Variants in TBC1D9 observed in about 807,000 individuals in gnomAD.
TBC1D9 encodes the protein TBC1 domain family member 9, also known as TBC1 domain family member 9A.
In TBC1D9, 63 loss-of-function variants were observed where a neutral mutation model predicts 132.0. That is an observed-to-expected ratio of 0.48 (90% CI 0.39 to 0.59). The LOEUF (loss-of-function observed/expected upper bound fraction) is 0.59. Among genes scored for constraint, TBC1D9 ranks in the 20% least tolerant of loss-of-function variants. The pLI, the probability that TBC1D9 is intolerant of heterozygous loss-of-function variation, is 0.00. For missense variants in TBC1D9, 1,261 were observed against 1,592.7 expected, an observed-to-expected ratio of 0.79 and a Z score of 3.54; for synonymous variants, 610 against 609.9, an observed-to-expected ratio of 1.00 and a Z score of 0.00.
chr4:140,688,678 A>G (rs1737827029), intron 2 of TBC1D9, among the ~76,000 whole-genome samples: 1 of 151,920 alleles, frequency 6.6e-6, no homozygotes, highest in South Asian at 2.1e-4. Context: ...AGAGAGAGAG[A>G]CTCCAACACA....
intron 1 of TBC1D9, among the ~76,000 whole-genome samples, chr4:140,737,465 T>TCTCTCA (rs1738692455): frequency 1.5e-5 from 2 of 131,386 alleles, no homozygotes; most frequent in African/African-American, 5.6e-5. Flanking sequence ...TCTCTCTCTC[T>TCTCTCA]CACACACACA....
At position 140,679,610 on chromosome 4, in the gene TBC1D9, C is replaced by T. The variant is rs769532085; in HGVS notation, c.589+5G>A. The T allele has an allele frequency of 1.9e-6, 3 of 1,608,852 alleles. No homozygotes were observed. The African/African-American group carries it at 4.0e-5, about 22-fold the overall frequency. On this transcript the variant is annotated splice_donor_5th_base_variant and intron_variant, in intron 4 of 20. Transcript: ENST00000442267. ...AGTTTCCTGCTGAAATTTTAGATGACTTACCTTCCCTTCCCATAAGAAAAG... is the reference window on the plus strand; with the variant it reads ...AGTTTCCTGCTGAAATTTTAGATGATTTACCTTCCCTTCCCATAAGAAAAG...
chr4:140,695,652 C>T (rs1737943825), intron 2 of TBC1D9, among the ~76,000 whole-genome samples: 1 of 152,172 alleles, frequency 6.6e-6, no homozygotes, highest in Non-Finnish European at 1.5e-5. Flanking sequence ...GATCATATAA[C>T]CAACCCTTCT....
intron 1 of TBC1D9, among the ~76,000 whole-genome samples, chr4:140,726,712 A>T (rs1738507856): frequency 6.6e-6 from 1 of 152,218 alleles, no homozygotes; most frequent in Non-Finnish European, 1.5e-5. Context: ...TTGTTTTGTT[A>T]AAACTAAATC....
chr4:140,646,443 T>G (rs1737104414), intron 13 of TBC1D9, among the ~76,000 whole-genome samples: 1 of 152,174 alleles, frequency 6.6e-6, no homozygotes, highest in African/African-American at 2.4e-5. Context: ...CCAGTTAAAT[T>G]TGAATTTCAG....
rs781284231 is a variant in TBC1D9, at chr4:140,756,068, C to A, written c.-23G>T. On this transcript the variant is annotated 5_prime_UTR_variant, in exon 1 of 21. Coordinates refer to ENST00000442267, the MANE Select transcript of TBC1D9 (RefSeq NM_015130.3). This position sits in a 1 kb window ranked among gnomAD's most constrained non-coding sequence, Gnocchi z 5.6. ...CATGGTCCTGGCTGCCGCGGGCGGG[C>A]GCACAATGGGCCCGTGGGTCCAGTC... is the stretch of plus-strand genomic sequence containing the variant. 27 of 1,599,240 alleles carry A rather than the reference C, an allele frequency of 1.7e-5. No individual in the cohort carries two copies. Among genetic ancestry groups the A allele is most frequent in the Non-Finnish European group, 2.2e-5 (26 of 1,173,228 alleles).
chr4:140,671,451 A>G (rs1233263090), intron 6 of TBC1D9, among the ~76,000 whole-genome samples: 3 of 152,212 alleles, frequency 2.0e-5, no homozygotes, highest in African/African-American at 7.2e-5. Context: ...TCGCTGCTTC[A>G]TCAGCCATAA....
intron 15 of TBC1D9, among the ~76,000 whole-genome samples, chr4:140,636,127 C>T (rs2110973173): frequency 6.6e-6 from 1 of 152,196 alleles, no homozygotes; most frequent in African/African-American, 2.4e-5. Context: ...TTCAGATCAT[C>T]TCCCTTGTTC....
intron 13 of TBC1D9, chr4:140,644,664 C>T (rs1427833291): frequency 1.2e-5 from 5 of 419,104 alleles, no homozygotes; most frequent in Non-Finnish European, 1.9e-5. Context: ...GGGCCTGGGC[C>T]GCCCGCTGCT....
At chr4:140,652,493 C>T (rs915348878) in intron 13 of TBC1D9, among the ~76,000 whole-genome samples, 1 of 152,182 alleles carries the variant, frequency 6.6e-6, no homozygotes, top group Admixed American at 6.5e-5. Flanking sequence ...TACTAACCAG[C>T]TCCACTGGAC....
At chr4:140,734,366 G>T (rs1048676734) in intron 1 of TBC1D9, among the ~76,000 whole-genome samples, 1 of 152,168 alleles carries the variant, frequency 6.6e-6, no homozygotes, top group Non-Finnish European at 1.5e-5. Flanking sequence ...CTGGGCTCAA[G>T]CTATTCACCC....
chr4:140,631,635 C>T (rs1045036837), intron 16 of TBC1D9, among the ~76,000 whole-genome samples: 1 of 142,072 alleles, frequency 7.0e-6, no homozygotes, highest in Admixed American at 7.1e-5. Flanking sequence ...CTTACTCTGT[C>T]GTCCAGGCTG....
intron 16 of TBC1D9, among the ~76,000 whole-genome samples, chr4:140,632,978 C>A (rs572359014): frequency 6.6e-6 from 1 of 152,186 alleles, no homozygotes; most frequent in Non-Finnish European, 1.5e-5. Context: ...CTCTTTTAAG[C>A]GTATAGATGA....
chr4:140,642,966 T>C, intron 13 of TBC1D9: 1 of 658,734 alleles, frequency 1.5e-6, no homozygotes, highest in Non-Finnish European at 2.6e-6. Context: ...GTACTGGTGC[T>C]GGACCTCGGC....
Position 140,754,614 on chromosome 4 carries a change from C to CAAAAA in TBC1D9, c.130+1297_130+1301dup, listed in dbSNP as rs34471976. ...TGGGCGACAAAGCAGGACTCTGTCTCAAAAAAAAAAAAAAAAAAAAAAAAA... is the reference window on the plus strand; with the variant it reads ...TGGGCGACAAAGCAGGACTCTGTCTCAAAAAAAAAAAAAAAAAAAAAAAAAAAAAA... On this transcript the variant is annotated intron_variant, in intron 1 of 20. Coordinates refer to ENST00000442267, the MANE Select transcript of TBC1D9 (RefSeq NM_015130.3). Among the ~76,000 whole-genome samples the CAAAAA allele has an allele frequency of 8.3e-3, 192 of 23,242 alleles. 25 individuals carry two copies. Among genetic ancestry groups the CAAAAA allele is most frequent in the African/African-American group, 0.015 (75 of 5,128 alleles). 15.2% of individuals were successfully genotyped at this position (23,242 alleles called of 152,430 possible). A position where few individuals can be genotyped will look rare whatever the true frequency, so the allele number is the denominator to read the frequency against.
At position 140,620,793 on chromosome 4, in the gene TBC1D9, G is replaced by T. The variant is rs1162340162; in HGVS notation, c.*1402C>A. On this transcript the variant is annotated 3_prime_UTR_variant, in exon 21 of 21. Coordinates refer to ENST00000442267, the MANE Select transcript of TBC1D9 (RefSeq NM_015130.3). ...GATAAAAAGCTGTATCTGAGTATTT[G>T]CTGTATTTTATTTGTTCACATTTAG... 1 of 152,552 alleles carries T rather than the reference G, an allele frequency of 6.6e-6. No individual in the cohort carries two copies. Among genetic ancestry groups the T allele is most frequent in the East Asian group, 1.9e-4 (1 of 5,198 alleles). 9.4% of individuals were successfully genotyped at this position (152,552 alleles called of 1,614,324 possible).
intron 1 of TBC1D9, chr4:140,712,312 T>G (rs1346274515): frequency 6.6e-6 from 1 of 150,914 alleles, no homozygotes; most frequent in African/African-American, 2.4e-5. Context: ...TGAATCACAT[T>G]CCTTACTCCA....
intron 5 of TBC1D9, among the ~76,000 whole-genome samples, chr4:140,677,450 A>AG (rs960595831): frequency 1.7e-4 from 26 of 152,150 alleles, no homozygotes; most frequent in African/African-American, 5.5e-4. Context: ...AAGCCACTTT[A>AG]GGGGGGGCCT....
chr4:140,666,139 G>C (rs28850387), intron 9 of TBC1D9, among the ~76,000 whole-genome samples: 18,660 of 152,130 alleles, frequency 0.12, 2,468 homozygotes, highest in African/African-American at 0.33. Flanking sequence ...GGAATGAAAT[G>C]CTGATACATG....
Sources: allele counts gnomAD v4.1 joint callset (sites outside exome capture counted in the v4.1 genomes callset), GRCh38; gene constraint gnomAD v4.1.1; non-coding constraint Gnocchi (gnomAD v3.1); transcripts MANE v1.5; gene names NCBI Gene and HGNC (gene_info 2026-07-23, HGNC 2026-07-21).